HHIPL1: variants seen among roughly 807,000 people sequenced by gnomAD.
HHIPL1 encodes the protein HHIP like 1.
HHIPL1 carries 43 observed loss-of-function variants against 61.8 expected under a neutral mutation model. The ratio of observed to expected loss-of-function variants is 0.70; its 90% CI spans 0.55 to 0.90. The LOEUF (loss-of-function observed/expected upper bound fraction) is 0.90, where lower values mean the gene tolerates loss of function less well. Among genes scored for constraint, HHIPL1 ranks in the 40% least tolerant of loss-of-function variants. The pLI is 0.00. For missense variants in HHIPL1, 1,056 were observed against 1,157.7 expected, an observed-to-expected ratio of 0.91 and a Z score of 1.28; for synonymous variants, 482 against 515.8, an observed-to-expected ratio of 0.93 and a Z score of 0.89.
Position 99,675,059 on chromosome 14 carries a change from T to C in HHIPL1, c.1814-32T>C. On this transcript the variant is annotated intron_variant, in intron 8 of 8. Transcript: ENST00000330710. The surrounding 1 kb of genome is among the most constrained non-coding windows in gnomAD (Gnocchi z 5.4). ...GCAGGGCTGGACAGGGGCGCCTGGG[T>C]CCCTCTGACGGCATACTCTTCCTCT... 1.8e-6 allele frequency: 2 copies of C among 1,118,448 alleles called. No homozygotes were observed. Among genetic ancestry groups the C allele is most frequent in the South Asian group, 3.3e-5 (1 of 29,960 alleles). 69.3% of individuals were successfully genotyped at this position (1,118,448 alleles called of 1,614,324 possible).
chr14:99,625,169 G>T, the HHIPL1 span: 1 of 152,206 alleles, frequency 6.6e-6, no homozygotes, highest in Non-Finnish European at 1.5e-5. Flanking sequence ...TTCGGCTTGG[G>T]CGCCATCCCA....
At chr14:99,671,669 AT>A (rs1437863568) in intron 7 of HHIPL1, among the ~76,000 whole-genome samples, 1 of 152,210 alleles carries the variant, frequency 6.6e-6, no homozygotes, top group Non-Finnish European at 1.5e-5. Context: ...GCCCTTAAAA[AT>A]GTCAAAGGAG....
chr14:99,678,888 G>A lies in HHIPL1; in HGVS notation c.*3262G>A, dbSNP rs2056415300. The A allele has an allele frequency of 1.3e-5, 2 of 152,218 alleles. No individual in the cohort carries two copies. Among genetic ancestry groups the A allele is most frequent in the African/African-American group, 4.8e-5 (2 of 41,444 alleles). 9.4% of individuals were successfully genotyped at this position (152,218 alleles called of 1,614,324 possible). A position where few individuals can be genotyped will look rare whatever the true frequency, so the allele number is the denominator to read the frequency against. ...AGAAACCATTATTTCTAACACTTAC[G>A]ATTTATTCTTTAACAAGAAGGGAAA... On this transcript the variant is annotated 3_prime_UTR_variant, in exon 9 of 9. Transcript: ENST00000330710.
chr14:99,657,220 T>C, intron 3 of HHIPL1, 77 bp downstream of exon 3: 1 of 1,509,918 alleles, frequency 6.6e-7, no homozygotes, highest in Non-Finnish European at 9.1e-7. Flanking sequence ...GAGGGTGAGT[T>C]CCTTCCTCGG....
chr14:99,630,481 C>T, the HHIPL1 span, among the ~76,000 whole-genome samples: 2 of 152,216 alleles, frequency 1.3e-5, no homozygotes, highest in African/African-American at 4.8e-5. Flanking sequence ...TCCAGCTCAG[C>T]ATCCCTGAGC....
At chr14:99,653,142 T>G (rs1015384047) in intron 2 of HHIPL1, among the ~76,000 whole-genome samples, 18 of 152,234 alleles carry the variant, frequency 1.2e-4, no homozygotes, top group Admixed American at 3.3e-4. Flanking sequence ...TCATTTCATT[T>G]GATTCTCCTA....
Position 99,660,898 on chromosome 14 carries a change from C to G in HHIPL1, c.1502+492C>G, listed in dbSNP as rs866193096. ...TTGCAAAGGTTGAGAAACTAAGACC[C>G]GAGAGAACAGTGGCTGCCCATGGGC... On this transcript the variant is annotated intron_variant, in intron 5 of 8. Coordinates refer to ENST00000330710, the MANE Select transcript of HHIPL1 (RefSeq NM_001127258.3). This position sits in a 1 kb window ranked among gnomAD's most constrained non-coding sequence, Gnocchi z 4.9. 2.0e-5 allele frequency among the ~76,000 whole-genome samples: 3 copies of G among 152,190 alleles called. No individual in the cohort carries two copies. In the South Asian group the frequency reaches 6.2e-4, roughly 31 times the overall value.
chr14:99,675,096 A>G lies in HHIPL1; in HGVS notation c.1819A>G (p.Ile607Val). ...CATACTCTTCCTCTGCGCAGAGTTC[A>G]TCCCGAAGACACGGAGCACCCCGCG... is the stretch of plus-strand genomic sequence containing the variant. ...LIPFVPKEKF[I>V]PKTRSTPRPT... The change falls in exon 9 of 9, where the codon ATC (isoleucine) becomes GTC (valine). Residue 607 changes from isoleucine (I) to valine (V), a missense_variant. Coordinates refer to ENST00000330710, the MANE Select transcript of HHIPL1 (RefSeq NM_001127258.3). The surrounding 1 kb of genome is among the most constrained non-coding windows in gnomAD (Gnocchi z 5.4). The G allele has an allele frequency of 8.6e-7, 1 of 1,168,898 alleles. No homozygotes were observed. The highest frequency in any genetic ancestry group is 1.1e-6 in the Non-Finnish European group (1 of 935,488). The allele number at this position is 1,168,898 out of a possible 1,614,324, so 72.4% of individuals were successfully genotyped here.
At chr14:99,631,047 ATTT>A in the HHIPL1 span, among the ~76,000 whole-genome samples, 12,718 of 122,004 alleles carry the variant, frequency 0.1, 610 homozygotes, top group Non-Finnish European at 0.12. Flanking sequence ...CAGTGGCTCC[ATTT>A]TCTTTCTTTC....
chr14:99,639,467 C>T, the HHIPL1 span, among the ~76,000 whole-genome samples: 1 of 152,026 alleles, frequency 6.6e-6, no homozygotes, highest in African/African-American at 2.4e-5. Context: ...ACCTCAGCCT[C>T]GAGAGTAGCT....
At chr14:99,655,777 T>C (rs989416617) in intron 2 of HHIPL1, among the ~76,000 whole-genome samples, 3 of 152,180 alleles carry the variant, frequency 2.0e-5, no homozygotes, top group African/African-American at 7.2e-5. Flanking sequence ...GTTAAGTTAC[T>C]TAAAGACTAG....
At chr14:99,630,518 G>A in the HHIPL1 span, among the ~76,000 whole-genome samples, 7 of 152,180 alleles carry the variant, frequency 4.6e-5, no homozygotes, top group Admixed American at 1.3e-4. Context: ...ATAAGATGGG[G>A]GTTAATAACA....
chr14:99,674,893 C>G (rs2056368468), intron 8 of HHIPL1, among the ~76,000 whole-genome samples, 198 bp from the exon 9 acceptor site: 1 of 152,172 alleles, frequency 6.6e-6, no homozygotes, highest in Non-Finnish European at 1.5e-5. Context: ...CGGCATCTTG[C>G]TGGGTCCGGG....
chr14:99,648,207 G>A (rs865810366), intron 1 of HHIPL1, among the ~76,000 whole-genome samples: 1 of 152,110 alleles, frequency 6.6e-6, no homozygotes, highest in Non-Finnish European at 1.5e-5. Flanking sequence ...TAGGAACAAG[G>A]CCACATACCT....
chr14:99,675,581 C>T lies in HHIPL1; in HGVS notation c.2304C>T (p.Asp768=), dbSNP rs1310049888. ...TGGGCACCCACAACTGCGAGCACGACGAGGATGCGGGCGTCGTGTGCAGCC... is the reference window on the plus strand; with the variant it reads ...TGGGCACCCACAACTGCGAGCACGATGAGGATGCGGGCGTCGTGTGCAGCC... ...NGVGTHNCEH[D]EDAGVVCSHQ... The change falls in exon 9 of 9, where the codon GAC becomes GAT. Residue 768 remains aspartate, a synonymous_variant. Transcript: ENST00000330710. This position sits in a 1 kb window ranked among gnomAD's most constrained non-coding sequence, Gnocchi z 5.4. 3.9e-6 allele frequency: 6 copies of T among 1,534,748 alleles called. No individual in the cohort carries two copies. Among genetic ancestry groups the T allele is most frequent in the Non-Finnish European group, 5.2e-6 (6 of 1,144,482 alleles).
chr14:99,623,452 C>G, the HHIPL1 span, among the ~76,000 whole-genome samples: 1 of 151,998 alleles, frequency 6.6e-6, no homozygotes, highest in Non-Finnish European at 1.5e-5. Context: ...CTTGCTCTGT[C>G]CCCCAGGCTG....
the HHIPL1 span, among the ~76,000 whole-genome samples, chr14:99,637,078 GAGAA>G: frequency 1.2e-4 from 12 of 99,112 alleles, no homozygotes; most frequent in African/African-American, 3.1e-4. Context: ...AAGAAAGAGA[GAGAA>G]AGAAAGAAAG....
At chr14:99,615,655 GAGAA>G in the HHIPL1 span, among the ~76,000 whole-genome samples, 1 of 147,756 alleles carries the variant, frequency 6.8e-6, no homozygotes, top group African/African-American at 2.5e-5. Context: ...AAGAGAGAGA[GAGAA>G]AGAAAGAAAA....
At chr14:99,661,421 A>AG (rs1555378192) in intron 5 of HHIPL1, among the ~76,000 whole-genome samples, 12 of 143,406 alleles carry the variant, frequency 8.4e-5, no homozygotes, top group African/African-American at 2.6e-4. Flanking sequence ...GAGAGAGAAA[A>AG]GAAGGAAGGA....
Sources: gnomAD v4.1 joint callset for allele counts (sites outside exome capture counted in the v4.1 genomes callset) on GRCh38, gnomAD v4.1.1 for gene constraint, Gnocchi (gnomAD v3.1) non-coding constraint, MANE v1.5 for transcripts, NCBI Gene and HGNC (gene_info 2026-07-23, HGNC 2026-07-21) for gene names.